The following PPM1H variants were observed in gnomAD, a reference collection of about 807,000 sequenced individuals.
PPM1H encodes protein phosphatase, Mg2+/Mn2+ dependent 1H, also known as protein phosphatase 1H.
A neutral mutation model predicts 54.9 loss-of-function variants in PPM1H; 27 were observed. The ratio of observed to expected loss-of-function variants is 0.49; its 90% CI spans 0.36 to 0.68. The LOEUF is 0.68. Ranked by LOEUF, PPM1H falls within the 30% of genes least tolerant of loss-of-function variation. The pLI, the probability that PPM1H is intolerant of heterozygous loss-of-function variation, is 0.00. For missense variants in PPM1H, 596 were observed against 667.8 expected (o/e 0.89, Z 1.19); for synonymous variants, 305 against 270.8 (o/e 1.13, Z -1.24).
chr12:62,829,829 C>A (rs1294008728), intron 2 of PPM1H, among the ~76,000 whole-genome samples: 1 of 152,238 alleles, frequency 6.6e-6, no homozygotes, highest in East Asian at 1.9e-4. Flanking sequence ...CCATCACCAA[C>A]TGGCCTTGGG....
intron 1 of PPM1H, among the ~76,000 whole-genome samples, chr12:62,833,909 A>AT (rs538149661): frequency 4.6e-5 from 7 of 150,688 alleles, no homozygotes; most frequent in South Asian, 2.1e-4. Flanking sequence ...TGGAAGGAGA[A>AT]TTTTTTTTTT....
intron 1 of PPM1H, among the ~76,000 whole-genome samples, chr12:62,888,068 T>C (rs953250411): frequency 2.0e-5 from 3 of 152,026 alleles, no homozygotes; most frequent in African/African-American, 7.2e-5. Flanking sequence ...GGAAAAGCAG[T>C]TAGGAGTCCA....
chr12:62,915,288 G>C (rs1282217884), intron 1 of PPM1H, among the ~76,000 whole-genome samples: 1 of 152,156 alleles, frequency 6.6e-6, no homozygotes, highest in Non-Finnish European at 1.5e-5. Context: ...TTATTTCTTG[G>C]CATATGTGGT....
intron 4 of PPM1H, among the ~76,000 whole-genome samples, chr12:62,747,132 GT>G (rs1592577272): frequency 8.9e-6 from 1 of 112,286 alleles, no homozygotes; most frequent in Admixed American, 9.3e-5. Flanking sequence ...TTTAAAAAAG[GT>G]TTTTTTTCTT....
chr12:62,836,518 C>T (rs1270149192), intron 1 of PPM1H, among the ~76,000 whole-genome samples: 8 of 152,154 alleles, frequency 5.3e-5, no homozygotes, highest in African/African-American at 1.4e-4. Context: ...CCTTTTTAAA[C>T]GAAGTCACAG....
intron 9 of PPM1H, among the ~76,000 whole-genome samples, chr12:62,661,783 C>G (rs11174592): frequency 0.077 from 11,686 of 152,182 alleles, 580 homozygotes; most frequent in East Asian, 0.096. Flanking sequence ...TGAACTCAAG[C>G]TTAAGCCATC....
At chr12:62,790,652 T>C (rs1017834748) in intron 3 of PPM1H, among the ~76,000 whole-genome samples, 8 of 151,736 alleles carry the variant, frequency 5.3e-5, no homozygotes, top group Non-Finnish European at 1.2e-4. Context: ...ACCAACACAC[T>C]GGGAGAGAGC....
At chr12:62,728,722 C>T (rs1039549406) in intron 5 of PPM1H, among the ~76,000 whole-genome samples, 1 of 152,016 alleles carries the variant, frequency 6.6e-6, no homozygotes, top group African/African-American at 2.4e-5. Flanking sequence ...GAGTTTCGAG[C>T]ACCTCAGCAG....
At chr12:62,904,164 C>T (rs1871240692) in intron 1 of PPM1H, among the ~76,000 whole-genome samples, 1 of 151,918 alleles carries the variant, frequency 6.6e-6, no homozygotes, top group South Asian at 2.1e-4. Context: ...TTACATAAAG[C>T]ATTAAAACAA....
intron 1 of PPM1H, among the ~76,000 whole-genome samples, chr12:62,858,249 C>T (rs1258826159): frequency 6.6e-6 from 1 of 152,044 alleles, no homozygotes; most frequent in Non-Finnish European, 1.5e-5. Flanking sequence ...AGAGTCAGAA[C>T]TCAGTAGTAT....
chr12:62,928,897 C>T (rs1872050544), intron 1 of PPM1H, among the ~76,000 whole-genome samples: 2 of 152,164 alleles, frequency 1.3e-5, no homozygotes, highest in Admixed American at 1.3e-4. Context: ...TCCTATATTG[C>T]AACAGACTTG....
At chr12:62,735,776 T>C (rs2076346422) in intron 5 of PPM1H, among the ~76,000 whole-genome samples, 1 of 152,150 alleles carries the variant, frequency 6.6e-6, no homozygotes, top group Non-Finnish European at 1.5e-5. Context: ...AGAAGTGATA[T>C]TTGTGCTGGA....
At chr12:62,710,042 C>A (rs1015055710) in intron 6 of PPM1H, among the ~76,000 whole-genome samples, 1 of 152,062 alleles carries the variant, frequency 6.6e-6, no homozygotes, top group Non-Finnish European at 1.5e-5. Context: ...TCATTGCACT[C>A]CAGCCTGGGC....
chr12:62,911,560 T>C (rs896894359), intron 1 of PPM1H, among the ~76,000 whole-genome samples: 5 of 152,198 alleles, frequency 3.3e-5, no homozygotes, highest in Non-Finnish European at 7.4e-5. Flanking sequence ...CAGCTCCTCT[T>C]GAGCCTCATC....
chr12:62,712,770 A>C (rs1199647027), intron 6 of PPM1H, among the ~76,000 whole-genome samples: 1 of 152,164 alleles, frequency 6.6e-6, no homozygotes, highest in African/African-American at 2.4e-5. Flanking sequence ...CCAAAGAGGG[A>C]CACTGTCCCT....
intron 9 of PPM1H, among the ~76,000 whole-genome samples, chr12:62,661,092 A>G (rs1447534012): frequency 6.6e-6 from 1 of 152,046 alleles, no homozygotes; most frequent in Non-Finnish European, 1.5e-5. Flanking sequence ...CCCCACCTCC[A>G]AGACCAGTCA....
At chr12:62,688,133 C>T (rs1399552115) in intron 8 of PPM1H, among the ~76,000 whole-genome samples, 1 of 152,084 alleles carries the variant, frequency 6.6e-6, no homozygotes, top group Non-Finnish European at 1.5e-5. Context: ...AACTCTTGCT[C>T]TCCCAAACTC....
At chr12:62,831,809 A>G (rs899743424) in intron 2 of PPM1H, among the ~76,000 whole-genome samples, 1 of 147,772 alleles carries the variant, frequency 6.8e-6, no homozygotes, top group Non-Finnish European at 1.5e-5. Context: ...ACACACATAT[A>G]TATGTGTATA....
At chr12:62,905,895 T>G (rs777156229) in intron 1 of PPM1H, among the ~76,000 whole-genome samples, 5 of 152,016 alleles carry the variant, frequency 3.3e-5, no homozygotes, top group Non-Finnish European at 5.9e-5. Context: ...CAGGCAAAGA[T>G]TAGGAGGACA....
Sources: gnomAD v4.1 joint callset for allele counts (sites outside exome capture counted in the v4.1 genomes callset) on GRCh38, gnomAD v4.1.1 for gene constraint, MANE v1.5 for transcripts, NCBI Gene and HGNC (gene_info 2026-07-23, HGNC 2026-07-21) for gene names.